The following MTF1 variants were observed in gnomAD, a reference collection of about 807,000 sequenced individuals.
The protein encoded by MTF1 is metal regulatory transcription factor 1.
MTF1 carries 22 observed loss-of-function variants against 70.4 expected under a neutral mutation model. That is an observed-to-expected ratio of 0.31 (90% CI 0.22 to 0.45). MTF1 has a LOEUF of 0.45. MTF1 is among the 20% of genes least tolerant of loss of function. The pLI is 1.00. For synonymous variants in MTF1, 333 were observed against 352.8 expected (o/e 0.94, Z 0.63); for missense variants, 649 against 922.0 (o/e 0.70, Z 3.83).
intron 2 of MTF1, among the ~76,000 whole-genome samples, chr1:37,848,902 G>C (rs2148420193): frequency 6.6e-6 from 1 of 152,332 alleles, no homozygotes; most frequent in Non-Finnish European, 1.5e-5. Context: ...TGGTTTGTCT[G>C]AGTGGATCAT....
chr1:37,821,622 A>G (rs1274076187), intron 9 of MTF1, among the ~76,000 whole-genome samples: 2 of 152,198 alleles, frequency 1.3e-5, no homozygotes, highest in Non-Finnish European at 2.9e-5. Context: ...CATTAACTGA[A>G]TGACCAAGTC....
intron 2 of MTF1, among the ~76,000 whole-genome samples, chr1:37,856,242 A>T (rs1641492246): frequency 8.2e-6 from 1 of 122,364 alleles, no homozygotes. Context: ...CAGTGGCACG[A>T]TCTTGGCTCC....
At chr1:37,846,825 T>A (rs950275069) in intron 2 of MTF1, among the ~76,000 whole-genome samples, 1 of 151,920 alleles carries the variant, frequency 6.6e-6, no homozygotes, top group Non-Finnish European at 1.5e-5. Context: ...GAAAAGAAAG[T>A]GAAAGTGAGA....
chr1:37,822,021 GAT>G, intron 9 of MTF1, 98 bp downstream of exon 9: 1 of 913,062 alleles, frequency 1.1e-6, no homozygotes, highest in Non-Finnish European at 1.6e-6. Flanking sequence ...TTTCACGGTG[GAT>G]ATGACAGCCA....
intron 10 of MTF1, among the ~76,000 whole-genome samples, chr1:37,816,895 A>G (rs968980179): frequency 2.0e-5 from 3 of 152,106 alleles, no homozygotes; most frequent in African/African-American, 7.2e-5. Flanking sequence ...TGGGCAGGAG[A>G]ACAGGGTGGG....
Position 37,815,235 on chromosome 1 carries a change from TAGAAACTC to T in MTF1, c.2155_2162del (p.Glu719IlefsTer15). 1 of 1,614,016 alleles carries T rather than the reference TAGAAACTC, an allele frequency of 6.2e-7. No individual in the cohort carries two copies. Among genetic ancestry groups the T allele is most frequent in the Non-Finnish European group, 8.5e-7 (1 of 1,179,984 alleles). On this transcript the variant is annotated frameshift_variant, in exon 11 of 11. Coordinates refer to ENST00000373036, the MANE Select transcript of MTF1 (RefSeq NM_005955.3). LOFTEE classifies it high-confidence loss of function. The surrounding 1 kb of genome is among the most constrained non-coding windows in gnomAD (Gnocchi z 4.5). ...ACGGGGTGTCCAGGCTCTGGAGGGATAGAAACTCTGACACATCCATGGCACTTAATGTT... is the reference window on the plus strand; with the variant it reads ...ACGGGGTGTCCAGGCTCTGGAGGGATTGACACATCCATGGCACTTAATGTT...
chr1:37,832,562 A>G (rs1641103886), intron 6 of MTF1, among the ~76,000 whole-genome samples: 1 of 152,210 alleles, frequency 6.6e-6, no homozygotes, highest in African/African-American at 2.4e-5. Flanking sequence ...TACATGTACT[A>G]TGCTGGCGCG....
chr1:37,839,605 G>T (rs1385676753), intron 3 of MTF1, among the ~76,000 whole-genome samples: 1 of 152,168 alleles, frequency 6.6e-6, no homozygotes, highest in African/African-American at 2.4e-5. Flanking sequence ...AGGGGAGATA[G>T]TACTCTATGC....
chr1:37,823,674 G>T, intron 8 of MTF1, 36 bp downstream of exon 8: 1 of 1,469,458 alleles, frequency 6.8e-7, no homozygotes, highest in Non-Finnish European at 9.5e-7. Flanking sequence ...GTCAGCAAGT[G>T]CTTAGATGTG....
Position 37,811,233 on chromosome 1 carries a change from G to C in MTF1, c.*3903C>G, listed in dbSNP as rs1370649325. 6.5e-6 allele frequency: 1 copy of C among 152,726 alleles called. No homozygotes were observed. The highest frequency in any genetic ancestry group is 1.9e-4 in the East Asian group (1 of 5,202). 9.5% of individuals were successfully genotyped at this position (152,726 alleles called of 1,614,324 possible). ...AAACAGGACCCACAGCAGTTCTTCA[G>C]AGAGCCTGAGGGGGCGCCCTGGGGC... On this transcript the variant is annotated 3_prime_UTR_variant, in exon 11 of 11. Transcript: ENST00000373036.
intron 7 of MTF1, among the ~76,000 whole-genome samples, chr1:37,828,429 C>T (rs928075797): frequency 5.9e-5 from 9 of 152,158 alleles, no homozygotes; most frequent in East Asian, 1.9e-4. Flanking sequence ...CTCAGCTTCC[C>T]GAGTAGCTAG....
rs1002700894 is a variant in MTF1, at chr1:37,822,630, G to A, written c.1258C>T (p.Pro420Ser). The stretch of plus-strand genomic sequence containing the variant: ...GAGAGGCCAGGTTGCAGTACAAGTG[G>A]AAGAGATAAAGATGCTGAATTTCCT... ...STGNSASLSL[P>S]LVLQPGLSEP... The change falls in exon 9 of 11, where the codon CCA (proline) becomes TCA (serine). Residue 420 changes from proline (P) to serine (S), a missense_variant. Transcript: ENST00000373036. 6.2e-7 allele frequency: 1 copy of A among 1,613,942 alleles called. No individual in the cohort carries two copies. The highest frequency in any genetic ancestry group is 1.3e-5 in the African/African-American group (1 of 75,008).
intron 2 of MTF1, among the ~76,000 whole-genome samples, chr1:37,846,869 C>T (rs1432710841): frequency 6.6e-6 from 1 of 152,206 alleles, no homozygotes; most frequent in African/African-American, 2.4e-5. Flanking sequence ...GCCCCCTATT[C>T]CACAAGAGAG....
At chr1:37,848,529 C>G (rs998181416) in intron 2 of MTF1, among the ~76,000 whole-genome samples, 5 of 152,100 alleles carry the variant, frequency 3.3e-5, no homozygotes, top group African/African-American at 1.2e-4. Flanking sequence ...CATATAACAG[C>G]AAAATGTTGG....
intron 7 of MTF1, among the ~76,000 whole-genome samples, chr1:37,830,874 C>T (rs994661649): frequency 1.8e-4 from 27 of 152,190 alleles, no homozygotes; most frequent in Non-Finnish European, 3.4e-4. Flanking sequence ...AGAGTTTATA[C>T]ACAGAACTTG....
intron 6 of MTF1, 24 bp downstream of exon 6, chr1:37,835,055 T>A: frequency 6.2e-7 from 1 of 1,611,722 alleles, no homozygotes. Flanking sequence ...GGTACCCAGA[T>A]CAAGAGACAA....
intron 2 of MTF1, chr1:37,841,196 G>A (rs9725241): frequency 0.69 from 108,061 of 156,068 alleles, 37,452 homozygotes; most frequent in East Asian, 0.73. Flanking sequence ...CGGGGACTAC[G>A]GTGGCCACAT....
At chr1:37,837,322 A>G (rs3856139) in intron 4 of MTF1, among the ~76,000 whole-genome samples, 92,404 of 151,816 alleles carry the variant, frequency 0.61, 29,539 homozygotes, top group Non-Finnish European at 0.72. Context: ...CTCCCAAAGC[A>G]CTGGGATTAC....
intron 9 of MTF1, among the ~76,000 whole-genome samples, chr1:37,820,472 C>T (rs1640894067): frequency 6.6e-6 from 1 of 152,214 alleles, no homozygotes; most frequent in Non-Finnish European, 1.5e-5. Flanking sequence ...GTCACTTAAC[C>T]TCTCTGGACC....
Sources: gnomAD v4.1 joint callset for allele counts (sites outside exome capture counted in the v4.1 genomes callset) on GRCh38, gnomAD v4.1.1 for gene constraint, Gnocchi (gnomAD v3.1) non-coding constraint, MANE v1.5 for transcripts, NCBI Gene and HGNC (gene_info 2026-07-23, HGNC 2026-07-21) for gene names.